HIVEP3: variants seen among roughly 807,000 people sequenced by gnomAD.
The protein encoded by HIVEP3 is transcription factor HIVEP3.
Under a neutral mutation model 152.8 loss-of-function variants are expected in HIVEP3, and 49 were observed. The ratio of observed to expected loss-of-function variants is 0.32; its 90% confidence interval spans 0.26 to 0.41. The LOEUF (loss-of-function observed/expected upper bound fraction) is 0.41, where lower values mean the gene tolerates loss of function less well. Among genes scored for constraint, HIVEP3 ranks in the 10% least tolerant of loss-of-function variants. HIVEP3 has a pLI of 1.00. For missense variants in HIVEP3, 2,790 were observed against 3,103.3 expected (o/e 0.90, Z 2.40); for synonymous variants, 1,269 against 1,289.0 (o/e 0.98, Z 0.33).
At chr1:41,586,051 C>T (rs1169829847) in intron 3 of HIVEP3, among the ~76,000 whole-genome samples, 4 of 152,242 alleles carry the variant, frequency 2.6e-5, no homozygotes, top group African/African-American at 9.6e-5. Context: ...CAGCTGTGAC[C>T]ATTTGCTTGA....
At chr1:41,644,693 C>CTTTTTTTTTTTTTTTT (rs60511656) in intron 2 of HIVEP3, among the ~76,000 whole-genome samples, 2 of 74,738 alleles carry the variant, frequency 2.7e-5, no homozygotes, top group Non-Finnish European at 4.8e-5. Context: ...CATATCTGTT[C>CTTTTTTTTTTTTTTTT]TTTTTTTTTT....
intron 1 of HIVEP3, among the ~76,000 whole-genome samples, chr1:41,754,534 T>C (rs958516332): frequency 6.6e-6 from 1 of 152,202 alleles, no homozygotes; most frequent in Admixed American, 6.5e-5. Context: ...CTGCCGTACG[T>C]GTGGCTGCCT....
intron 1 of HIVEP3, among the ~76,000 whole-genome samples, chr1:41,987,148 C>T (rs1446252178): frequency 6.6e-6 from 1 of 152,132 alleles, no homozygotes; most frequent in Non-Finnish European, 1.5e-5. Flanking sequence ...TGTTTCTGCC[C>T]TCTTGAAGCT....
chr1:41,885,728 C>T (rs891853453), intron 1 of HIVEP3, among the ~76,000 whole-genome samples: 1 of 149,524 alleles, frequency 6.7e-6, no homozygotes, highest in Non-Finnish European at 1.5e-5. Flanking sequence ...CTTCCCTTCC[C>T]CCTCCTCTTC....
At chr1:41,832,887 C>A (rs1643004370) in intron 1 of HIVEP3, among the ~76,000 whole-genome samples, 1 of 152,220 alleles carries the variant, frequency 6.6e-6, no homozygotes, top group Non-Finnish European at 1.5e-5. Flanking sequence ...TTACCCTCCA[C>A]TCCCATTATT....
intron 1 of HIVEP3, among the ~76,000 whole-genome samples, chr1:41,977,515 TCCC>T (rs1645266924): frequency 6.6e-6 from 1 of 151,862 alleles, no homozygotes; most frequent in Non-Finnish European, 1.5e-5. Flanking sequence ...GAGTGTCACA[TCCC>T]CCCATCTCTC....
Position 41,662,375 on chromosome 1 carries a change from C to A in HIVEP3, c.-720-33428G>T, listed in dbSNP as rs1400831411. The A allele has an allele frequency of 6.8e-6, 1 of 148,036 alleles. No individual in the cohort carries two copies. The highest frequency in any genetic ancestry group is 1.5e-5 in the Non-Finnish European group (1 of 66,704). The allele number at this position is 148,036 out of a possible 1,614,324, so 9.2% of individuals were successfully genotyped here. On this transcript the variant is annotated intron_variant, in intron 2 of 8. Transcript: ENST00000372583. The surrounding 1 kb of genome is among the most constrained non-coding windows in gnomAD (Gnocchi z 7.2). ...GGCGCGGCTCCGGGCCGCCCCGCGG[C>A]CGCTTGGAAGCTCCTTATTTGGGCA...
chr1:41,563,631 C>T (rs946623934), intron 5 of HIVEP3, among the ~76,000 whole-genome samples: 2 of 152,128 alleles, frequency 1.3e-5, no homozygotes, highest in Non-Finnish European at 2.9e-5. Context: ...CTCATCACTT[C>T]CAATCATCTT....
intron 5 of HIVEP3, among the ~76,000 whole-genome samples, chr1:41,561,708 C>A (rs60485571): frequency 1.3e-5 from 2 of 148,432 alleles, no homozygotes; most frequent in African/African-American, 2.5e-5. Flanking sequence ...AGAGACAAGG[C>A]TTTACCACGT....
At chr1:41,895,856 A>G (rs923173357) in intron 1 of HIVEP3, among the ~76,000 whole-genome samples, 1 of 152,230 alleles carries the variant, frequency 6.6e-6, no homozygotes, top group Non-Finnish European at 1.5e-5. Context: ...TGCTAAGGGC[A>G]AAGAAACGGC....
rs1644902976 is a variant in HIVEP3 at position 41,918,178 on chromosome 1, A to G, written c.-801+235T>C. Among the ~76,000 whole-genome samples the G allele has an allele frequency of 6.6e-6, 1 of 151,102 alleles. No homozygotes were observed. On this transcript the variant is annotated intron_variant, in intron 1 of 8. Transcript: ENST00000372583. The surrounding 1 kb of genome is among the most constrained non-coding windows in gnomAD (Gnocchi z 4.3). ...TCACTTGAGGCTCGCGCCGCTCCCC[A>G]GCACCAGGCCGAGCAGCGCGCTCAG...
chr1:41,798,204 G>A (rs575452384), intron 1 of HIVEP3, among the ~76,000 whole-genome samples: 2 of 151,764 alleles, frequency 1.3e-5, no homozygotes, highest in Admixed American at 6.6e-5. Context: ...CGAGTTAATG[G>A]GTGCAGCACA....
At chr1:41,717,869 G>A (rs777371441) in intron 1 of HIVEP3, among the ~76,000 whole-genome samples, 2 of 152,204 alleles carry the variant, frequency 1.3e-5, no homozygotes, top group East Asian at 1.9e-4. Flanking sequence ...GTCAACAAAC[G>A]CTGACTGAGC....
At chr1:41,854,517 C>CTTTTTTTTTT (rs998972000) in intron 1 of HIVEP3, among the ~76,000 whole-genome samples, 2 of 103,680 alleles carry the variant, frequency 1.9e-5, no homozygotes, top group Admixed American at 9.9e-5. Context: ...TCTTGCTGCA[C>CTTTTTTTTTT]TTTTTTTTTT....
intron 1 of HIVEP3, among the ~76,000 whole-genome samples, chr1:41,948,774 T>C (rs1017202366): frequency 2.1e-5 from 3 of 143,088 alleles, no homozygotes; most frequent in Non-Finnish European, 4.4e-5. Flanking sequence ...ACCTTTCCCT[T>C]AGGCATTGAT....
In HIVEP3 at chr1:41,511,360, A is replaced by G; in HGVS notation, c.6406-94T>C. The G allele has an allele frequency of 8.7e-7, 1 of 1,148,142 alleles. No homozygotes were observed. The highest frequency in any genetic ancestry group is 1.2e-6 in the Non-Finnish European group (1 of 828,872). The allele number at this position is 1,148,142 out of a possible 1,614,324, so 71.1% of individuals were successfully genotyped here. A position where few individuals can be genotyped will look rare whatever the true frequency, so the allele number is the denominator to read the frequency against. On this transcript the variant is annotated intron_variant, in intron 8 of 8. Coordinates refer to ENST00000372583, the MANE Select transcript of HIVEP3 (RefSeq NM_024503.5). This position sits in a 1 kb window ranked among gnomAD's most constrained non-coding sequence, Gnocchi z 4.9. ...GAAGTGGGAGGGGGACTCGCCCAAGATCACAGAGCGAGTCCAGGGTCCCGG... is the reference window on the plus strand; with the variant it reads ...GAAGTGGGAGGGGGACTCGCCCAAGGTCACAGAGCGAGTCCAGGGTCCCGG...
intron 5 of HIVEP3, among the ~76,000 whole-genome samples, chr1:41,573,938 C>T (rs1644288813): frequency 1.3e-5 from 2 of 152,088 alleles, no homozygotes; most frequent in African/African-American, 4.8e-5. Flanking sequence ...GGGTGATGTT[C>T]CCCCTCCTTC....
At chr1:42,034,994 A>G (rs533347333) in intron 1 of HIVEP3, among the ~76,000 whole-genome samples, 131 of 152,258 alleles carry the variant, frequency 8.6e-4, no homozygotes, top group African/African-American at 3.1e-3. Flanking sequence ...CAGAGCCTAG[A>G]GCTCTCAGAG....
intron 1 of HIVEP3, among the ~76,000 whole-genome samples, chr1:41,787,441 G>A (rs913717567): frequency 1.5e-4 from 23 of 151,858 alleles, no homozygotes; most frequent in African/African-American, 4.1e-4. Flanking sequence ...CCCTCCCTAC[G>A]TATACTTACG....
Sources: allele counts gnomAD v4.1 joint callset (sites outside exome capture counted in the v4.1 genomes callset), GRCh38; gene constraint gnomAD v4.1.1; non-coding constraint Gnocchi (gnomAD v3.1); transcripts MANE v1.5; gene names NCBI Gene and HGNC (gene_info 2026-07-23, HGNC 2026-07-21).